Variants in SVOPL observed in about 807,000 individuals in gnomAD.
SVOPL encodes the protein putative transporter SVOPL.
A neutral mutation model predicts 61.0 loss-of-function variants in SVOPL; 60 were observed. That is an observed-to-expected ratio of 0.98 (90% CI 0.80 to 1.22). The LOEUF (loss-of-function observed/expected upper bound fraction) is 1.22. Ranked by LOEUF, SVOPL falls within the 50% of genes most tolerant of loss-of-function variation. SVOPL has a pLI of 0.00. For synonymous variants in SVOPL, 279 were observed against 250.0 expected (o/e 1.12, Z -1.09); for missense variants, 662 against 643.9 (o/e 1.03, Z -0.30).
At chr7:138,638,584 A>AC (rs1296055640) in intron 9 of SVOPL, among the ~76,000 whole-genome samples, 1 of 152,048 alleles carries the variant, frequency 6.6e-6, no homozygotes, top group Non-Finnish European at 1.5e-5. Context: ...ACAGGGTGAG[A>AC]CCCCATCACA....
At chr7:138,642,664 C>CA (rs767344078) in intron 9 of SVOPL, among the ~76,000 whole-genome samples, 3 of 151,168 alleles carry the variant, frequency 2.0e-5, no homozygotes, top group African/African-American at 4.9e-5. Context: ...ACTGTCTCTA[C>CA]AAAAAACACA....
chr7:138,608,477 TGA>T (rs1386871947), intron 14 of SVOPL, among the ~76,000 whole-genome samples: 4 of 152,184 alleles, frequency 2.6e-5, no homozygotes, highest in Non-Finnish European at 5.9e-5. Flanking sequence ...TACGTCGTGT[TGA>T]GACAGCCGGC....
intron 4 of SVOPL, 37 bp downstream of exon 4, chr7:138,671,982 A>C: frequency 6.5e-7 from 1 of 1,537,632 alleles, no homozygotes; most frequent in Non-Finnish European, 8.8e-7. Context: ...CTACGCCCTC[A>C]GTTGCTGTGT....
chr7:138,658,326 G>A (rs80169940), intron 6 of SVOPL, among the ~76,000 whole-genome samples: 2,608 of 152,182 alleles, frequency 0.017, 76 homozygotes, highest in African/African-American at 0.06. Context: ...AAATCATAGG[G>A]TGATAGTACT....
intron 3 of SVOPL, 133 bp from the exon 4 acceptor site, chr7:138,672,250 C>A (rs563196478): frequency 2.7e-6 from 2 of 741,450 alleles, no homozygotes; most frequent in Non-Finnish European, 4.5e-6. Context: ...CTATTGTATA[C>A]CCACACTGCA....
intron 14 of SVOPL, among the ~76,000 whole-genome samples, chr7:138,602,290 A>G (rs1467530368): frequency 6.6e-6 from 1 of 152,166 alleles, no homozygotes; most frequent in Non-Finnish European, 1.5e-5. Context: ...AAATAGCAGA[A>G]AAAAATAAAA....
At chr7:138,695,824 C>A (rs1400543652) in intron 1 of SVOPL, among the ~76,000 whole-genome samples, 1 of 152,148 alleles carries the variant, frequency 6.6e-6, no homozygotes, top group Non-Finnish European at 1.5e-5. Flanking sequence ...CTCTGCCTCA[C>A]CCAGGCTGGA....
At chr7:138,643,817 T>C (rs1407009626) in intron 9 of SVOPL, among the ~76,000 whole-genome samples, 1 of 152,150 alleles carries the variant, frequency 6.6e-6, no homozygotes, top group African/African-American at 2.4e-5. Context: ...TGAAGAGTTC[T>C]GGAGATGGAT....
At chr7:138,618,523 C>T (rs1187324587) in intron 14 of SVOPL, among the ~76,000 whole-genome samples, 2 of 151,972 alleles carry the variant, frequency 1.3e-5, no homozygotes, top group South Asian at 2.1e-4. Flanking sequence ...CAGCCAAGAG[C>T]GGTGGTGGGT....
chr7:138,616,590 C>T (rs991648373), intron 14 of SVOPL, among the ~76,000 whole-genome samples: 2 of 152,166 alleles, frequency 1.3e-5, no homozygotes, highest in Admixed American at 1.3e-4. Flanking sequence ...CCGGCCTCAG[C>T]CGCCCAAAGT....
rs566133753 is a variant in SVOPL, at chr7:138,670,077, T to C, written c.273+1942A>G. Among the ~76,000 whole-genome samples the C allele has an allele frequency of 1.8e-4, 27 of 152,292 alleles. 1 individual carries two copies. In the South Asian group the frequency reaches 2.9e-3, roughly 16 times the overall value. On this transcript the variant is annotated intron_variant, in intron 4 of 15. Coordinates refer to ENST00000674285, the MANE Select transcript of SVOPL (RefSeq NM_001139456.2). ...TACCACAGCCCCTTTGAAACCATCT[T>C]TGCAAAAATTATAATAGAAAAAATT...
intron 14 of SVOPL, among the ~76,000 whole-genome samples, chr7:138,620,124 G>GTTTTTTTT (rs68156955): frequency 8.7e-6 from 1 of 114,630 alleles, no homozygotes; most frequent in Non-Finnish European, 1.7e-5. Context: ...TTTCTGTTTT[G>GTTTTTTTT]TTTTTTTTTT....
At chr7:138,696,351 C>G (rs115715522) in intron 1 of SVOPL, among the ~76,000 whole-genome samples, 69 of 152,204 alleles carry the variant, frequency 4.5e-4, no homozygotes, top group African/African-American at 1.6e-3. Flanking sequence ...TGGCTTCAGT[C>G]TCCCAAATAG....
At chr7:138,607,066 T>C (rs1172022965) in intron 14 of SVOPL, among the ~76,000 whole-genome samples, 1 of 151,378 alleles carries the variant, frequency 6.6e-6, no homozygotes, top group Non-Finnish European at 1.5e-5. Context: ...ATAAGTGATA[T>C]GAAGGAAAAG....
intron 10 of SVOPL, 67 bp from the exon 11 acceptor site, chr7:138,628,430 G>T: frequency 6.6e-7 from 1 of 1,512,520 alleles, no homozygotes; most frequent in Non-Finnish European, 9.0e-7. Context: ...GTGGGGAGGG[G>T]ATACCAAGTG....
At chr7:138,653,312 T>C (rs555619426) in intron 7 of SVOPL, among the ~76,000 whole-genome samples, 2 of 152,270 alleles carry the variant, frequency 1.3e-5, no homozygotes, top group South Asian at 4.1e-4. Flanking sequence ...AGATTTTCAG[T>C]GTAGATGAAA....
chr7:138,646,900 C>G (rs1337739195), intron 8 of SVOPL, among the ~76,000 whole-genome samples: 3 of 152,162 alleles, frequency 2.0e-5, no homozygotes, highest in Admixed American at 6.5e-5. Context: ...CACTGGTCCC[C>G]GAGCACCTGG....
At chr7:138,609,001 A>G (rs1299084047) in intron 14 of SVOPL, among the ~76,000 whole-genome samples, 1 of 152,208 alleles carries the variant, frequency 6.6e-6, no homozygotes, top group Admixed American at 6.5e-5. Context: ...AGGCTCTTAC[A>G]GATCCATGCT....
At chr7:138,669,612 C>A (rs571242981) in intron 4 of SVOPL, among the ~76,000 whole-genome samples, 2 of 152,174 alleles carry the variant, frequency 1.3e-5, no homozygotes, top group Non-Finnish European at 2.9e-5. Context: ...TGTTCCTGTG[C>A]AACTCCACCC....
Sources: gnomAD v4.1 joint callset for allele counts (sites outside exome capture counted in the v4.1 genomes callset) on GRCh38, gnomAD v4.1.1 for gene constraint, MANE v1.5 for transcripts, NCBI Gene and HGNC (gene_info 2026-07-23, HGNC 2026-07-21) for gene names.